FBXL7: variants seen among roughly 807,000 people sequenced by gnomAD.
FBXL7 encodes the protein F-box and leucine rich repeat protein 7.
A neutral mutation model predicts 38.3 loss-of-function variants in FBXL7; 12 were observed. The observed-to-expected ratio is 0.31, with a 90% confidence interval of 0.20 to 0.51. FBXL7 has a LOEUF of 0.51. FBXL7 is among the 20% of genes least tolerant of loss of function. FBXL7 has a pLI of 0.98. For missense variants in FBXL7, 567 were observed against 676.4 expected, an observed-to-expected ratio of 0.84 and a Z score of 1.79; for synonymous variants, 297 against 300.9, an observed-to-expected ratio of 0.99 and a Z score of 0.13.
chr5:15,730,885 T>G (rs1285154016), intron 2 of FBXL7, among the ~76,000 whole-genome samples: 3 of 152,194 alleles, frequency 2.0e-5, no homozygotes, highest in Non-Finnish European at 4.4e-5. Context: ...CCCATAACCT[T>G]TAGTGACAAT....
intron 2 of FBXL7, among the ~76,000 whole-genome samples, chr5:15,670,235 G>T (rs1353766917): frequency 6.6e-6 from 1 of 152,176 alleles, no homozygotes; most frequent in Non-Finnish European, 1.5e-5. Flanking sequence ...TCTTCCATCT[G>T]AATGAAGCAC....
rs115847765 is a variant in FBXL7 at position 15,818,109 on chromosome 5, T to C, written c.128-109781T>C. On this transcript the variant is annotated intron_variant, in intron 2 of 3. Coordinates refer to ENST00000504595, the MANE Select transcript of FBXL7 (RefSeq NM_012304.5). ...CTAGTAAGTTGTGTGTATGCATGTG[T>C]GCATATGTGTTTTTGTAGGTGTGTG... Among the ~76,000 whole-genome samples the C allele has an allele frequency of 2.6e-3, 396 of 152,258 alleles. 2 individuals carry two copies. The highest frequency in any genetic ancestry group is 8.8e-3 in the African/African-American group (366 of 41,566).
intron 1 of FBXL7, among the ~76,000 whole-genome samples, chr5:15,542,542 T>C (rs524928): frequency 0.024 from 3,719 of 152,252 alleles, 180 homozygotes; most frequent in African/African-American, 0.084. Flanking sequence ...ATCTACTAGG[T>C]TCATACGATC....
intron 2 of FBXL7, among the ~76,000 whole-genome samples, chr5:15,659,246 A>C (rs961113589): frequency 1.3e-5 from 2 of 152,218 alleles, no homozygotes; most frequent in Non-Finnish European, 2.9e-5. Flanking sequence ...AAGAAGAAAA[A>C]ATATGCAAAT....
At chr5:15,671,020 G>A (rs2126597236) in intron 2 of FBXL7, among the ~76,000 whole-genome samples, 1 of 152,034 alleles carries the variant, frequency 6.6e-6, no homozygotes, top group African/African-American at 2.4e-5. Flanking sequence ...GACTTCATTT[G>A]CACAGATCTT....
At chr5:15,527,815 C>A (rs1737296127) in intron 1 of FBXL7, among the ~76,000 whole-genome samples, 1 of 152,184 alleles carries the variant, frequency 6.6e-6, no homozygotes, top group Non-Finnish European at 1.5e-5. Flanking sequence ...GAAGGAGTAT[C>A]TTCCATAATA....
At position 15,912,914 on chromosome 5, in the gene FBXL7, A is replaced by G. The variant is rs533511431; in HGVS notation, c.128-14976A>G. ...GAACTACCCATGCGAAATGTATCCCAGGTCAATATAAGGTGACCTTTAGAA... is the reference window on the plus strand; with the variant it reads ...GAACTACCCATGCGAAATGTATCCCGGGTCAATATAAGGTGACCTTTAGAA... On this transcript the variant is annotated intron_variant, in intron 2 of 3. Transcript: ENST00000504595. Among the ~76,000 whole-genome samples, 269 of 152,338 alleles carry G rather than the reference A, an allele frequency of 1.8e-3. 2 individuals are homozygous for G. The highest frequency in any genetic ancestry group is 6.4e-3 in the African/African-American group (265 of 41,580).
rs1377742902 is a variant in FBXL7 at position 15,720,414 on chromosome 5, A to C, written c.127+104342A>C. Among the ~76,000 whole-genome samples, 8 of 148,652 alleles carry C rather than the reference A, an allele frequency of 5.4e-5. 1 individual carries two copies. Among genetic ancestry groups the C allele is most frequent in the Non-Finnish European group, 1.1e-4 (7 of 66,574 alleles). On this transcript the variant is annotated intron_variant, in intron 2 of 3. Transcript: ENST00000504595. ...TTTATCTTGGATGACTGAGTAAATT[A>C]CTTGGCTTTTCTCCATTCTTAAAAT...
intron 2 of FBXL7, among the ~76,000 whole-genome samples, chr5:15,779,200 G>C (rs1736932055): frequency 6.6e-6 from 1 of 151,996 alleles, no homozygotes; most frequent in South Asian, 2.1e-4. Context: ...GAAGGGAGGT[G>C]AGGAAGGAGG....
intron 2 of FBXL7, among the ~76,000 whole-genome samples, chr5:15,749,276 G>C (rs1736094005): frequency 6.9e-6 from 1 of 144,754 alleles, no homozygotes; most frequent in Admixed American, 7.0e-5. Flanking sequence ...AAATTCAAGA[G>C]TCCAAATTCA....
At chr5:15,625,250 G>A (rs138618975) in intron 2 of FBXL7, among the ~76,000 whole-genome samples, 264 of 152,188 alleles carry the variant, frequency 1.7e-3, no homozygotes, top group African/African-American at 6.1e-3. Context: ...TTAACACATG[G>A]CAGTCAGACT....
At chr5:15,639,184 G>C (rs1308181015) in intron 2 of FBXL7, among the ~76,000 whole-genome samples, 2 of 152,184 alleles carry the variant, frequency 1.3e-5, no homozygotes, top group Non-Finnish European at 2.9e-5. Context: ...CTGGATCTTT[G>C]TATCCAGAAA....
intron 2 of FBXL7, among the ~76,000 whole-genome samples, chr5:15,884,249 CTTCTTTCTTTCT>C (rs58115981): frequency 1.3e-5 from 2 of 150,478 alleles, no homozygotes; most frequent in South Asian, 2.1e-4. Flanking sequence ...ATCAGGGAAT[CTTCTTTCTTTCT>C]TTCTTTCTTT....
chr5:15,883,483 A>G (rs997695337), intron 2 of FBXL7, among the ~76,000 whole-genome samples: 4 of 152,218 alleles, frequency 2.6e-5, no homozygotes, highest in African/African-American at 9.6e-5. Context: ...TTTTATGCAT[A>G]ACAATTTTTT....
At chr5:15,855,484 T>A (rs921083010) in intron 2 of FBXL7, among the ~76,000 whole-genome samples, 4 of 151,872 alleles carry the variant, frequency 2.6e-5, no homozygotes, top group African/African-American at 7.3e-5. Flanking sequence ...ATGTTAACCA[T>A]TTTTTTTCAG....
intron 1 of FBXL7, among the ~76,000 whole-genome samples, chr5:15,599,818 C>G (rs935549517): frequency 3.3e-5 from 5 of 152,038 alleles, no homozygotes; most frequent in Non-Finnish European, 7.4e-5. Flanking sequence ...TGAAAAATGA[C>G]GAGGTTCATA....
intron 1 of FBXL7, among the ~76,000 whole-genome samples, chr5:15,602,793 T>C (rs1037012597): frequency 6.6e-6 from 1 of 152,166 alleles, no homozygotes; most frequent in African/African-American, 2.4e-5. Flanking sequence ...AGAATGTCAC[T>C]TAAGGATCCC....
intron 2 of FBXL7, among the ~76,000 whole-genome samples, chr5:15,708,344 G>A (rs1225701246): frequency 1.3e-5 from 2 of 152,214 alleles, no homozygotes; most frequent in Non-Finnish European, 2.9e-5. Context: ...TCTCATTGTA[G>A]GACCTGGTCT....
At chr5:15,913,956 G>A (rs1424093783) in intron 2 of FBXL7, among the ~76,000 whole-genome samples, 1 of 152,118 alleles carries the variant, frequency 6.6e-6, no homozygotes, top group Non-Finnish European at 1.5e-5. Context: ...CAGGGGGACA[G>A]GAATACAAAC....
Sources: gnomAD v4.1 joint callset for allele counts (sites outside exome capture counted in the v4.1 genomes callset) on GRCh38, gnomAD v4.1.1 for gene constraint, MANE v1.5 for transcripts, NCBI Gene and HGNC (gene_info 2026-07-23, HGNC 2026-07-21) for gene names.